ZFPM2: variants seen among roughly 807,000 people sequenced by gnomAD.
The protein encoded by ZFPM2 is zinc finger protein, FOG family member 2, also known as zinc finger protein ZFPM2.
In ZFPM2, 20 loss-of-function variants were observed where a neutral mutation model predicts 98.6. The observed-to-expected ratio is 0.20, with a 90% CI of 0.14 to 0.29. ZFPM2 has a LOEUF of 0.29. Among genes scored for constraint, ZFPM2 ranks in the 10% least tolerant of loss-of-function variants. The pLI is 1.00. For synonymous variants in ZFPM2, 518 were observed against 502.7 expected, an observed-to-expected ratio of 1.03 and a Z score of -0.41; for missense variants, 1,310 against 1,388.6, an observed-to-expected ratio of 0.94 and a Z score of 0.90.
chr8:105,369,838 G>C (rs114679059), intron 1 of ZFPM2, among the ~76,000 whole-genome samples: 239 of 152,118 alleles, frequency 1.6e-3, no homozygotes, highest in African/African-American at 5.4e-3. Context: ...CAGTGAGAGT[G>C]ATTTCAAGAG....
intron 1 of ZFPM2, among the ~76,000 whole-genome samples, chr8:105,321,845 T>A (rs1460511812): frequency 6.6e-6 from 1 of 152,110 alleles, no homozygotes; most frequent in African/African-American, 2.4e-5. Context: ...AGCCCAGCAA[T>A]CTGCAGAAGC....
chr8:105,609,251 G>GGGAA (rs1816257725), intron 4 of ZFPM2, among the ~76,000 whole-genome samples: 1 of 151,988 alleles, frequency 6.6e-6, no homozygotes, highest in Non-Finnish European at 1.5e-5. Context: ...GGAGCATGGA[G>GGGAA]GCAAGCCAGG....
At chr8:105,622,518 G>T (rs1816572748) in intron 4 of ZFPM2, among the ~76,000 whole-genome samples, 2 of 152,112 alleles carry the variant, frequency 1.3e-5, no homozygotes, top group Admixed American at 6.6e-5. Flanking sequence ...GCAACAACAA[G>T]ATTTAAGACA....
chr8:105,402,752 T>A (rs1170223146), intron 1 of ZFPM2, among the ~76,000 whole-genome samples: 3 of 152,088 alleles, frequency 2.0e-5, no homozygotes, highest in African/African-American at 7.2e-5. Flanking sequence ...AGCTAGTTTG[T>A]GGTCCCTACA....
chr8:105,653,755 G>A (rs1248002480), intron 5 of ZFPM2, among the ~76,000 whole-genome samples: 2 of 151,130 alleles, frequency 1.3e-5, no homozygotes, highest in Non-Finnish European at 2.9e-5. Flanking sequence ...CATGTTAGAG[G>A]CAAATAGAAA....
At chr8:105,541,515 A>G (rs899323915) in intron 3 of ZFPM2, among the ~76,000 whole-genome samples, 2 of 152,210 alleles carry the variant, frequency 1.3e-5, no homozygotes, top group Non-Finnish European at 2.9e-5. Context: ...AGAGTTTCAG[A>G]GGAATATACC....
chr8:105,735,113 T>TTA (rs887762544), intron 5 of ZFPM2, among the ~76,000 whole-genome samples: 157 of 147,572 alleles, frequency 1.1e-3, no homozygotes, highest in Non-Finnish European at 1.9e-3. Context: ...TATATATAAA[T>TTA]TATATATATA....
chr8:105,337,227 T>G (rs1812344902), intron 1 of ZFPM2, among the ~76,000 whole-genome samples: 2 of 151,758 alleles, frequency 1.3e-5, no homozygotes, highest in Non-Finnish European at 2.9e-5. Context: ...GACACCATGT[T>G]AGCAAGTCAG....
At chr8:105,343,173 AC>A (rs1812460695) in intron 1 of ZFPM2, among the ~76,000 whole-genome samples, 1 of 152,168 alleles carries the variant, frequency 6.6e-6, no homozygotes, top group Admixed American at 6.6e-5. Context: ...TTTATTAAGT[AC>A]AGGATGGGAA....
chr8:105,414,054 C>T (rs1811631579), intron 1 of ZFPM2, among the ~76,000 whole-genome samples: 2 of 151,904 alleles, frequency 1.3e-5, no homozygotes, highest in South Asian at 4.1e-4. Context: ...GAAACAATCT[C>T]ATTTTGCTAG....
chr8:105,392,597 A>T (rs1563637387), intron 1 of ZFPM2, among the ~76,000 whole-genome samples: 1 of 152,216 alleles, frequency 6.6e-6, no homozygotes, highest in Non-Finnish European at 1.5e-5. Context: ...GGCCGTACAA[A>T]AACAACTAAC....
chr8:105,489,697 C>G (rs1376865133), intron 3 of ZFPM2, among the ~76,000 whole-genome samples: 2 of 151,412 alleles, frequency 1.3e-5, no homozygotes, highest in African/African-American at 4.8e-5. Flanking sequence ...CTCCTGATCT[C>G]AGGTGAACCA....
At chr8:105,458,882 A>C (rs1164289596) in intron 3 of ZFPM2, among the ~76,000 whole-genome samples, 1 of 152,026 alleles carries the variant, frequency 6.6e-6, no homozygotes, top group Non-Finnish European at 1.5e-5. Context: ...AAGTTGAATA[A>C]GGGGGACATC....
chr8:105,759,111 G>A (rs1358212749), intron 5 of ZFPM2, among the ~76,000 whole-genome samples: 6 of 152,020 alleles, frequency 3.9e-5, no homozygotes, highest in Non-Finnish European at 8.8e-5. Context: ...TTTATTTGCA[G>A]GCTCTAAAAC....
At chr8:105,698,351 C>A (rs1454627728) in intron 5 of ZFPM2, among the ~76,000 whole-genome samples, 2 of 152,148 alleles carry the variant, frequency 1.3e-5, no homozygotes, top group Non-Finnish European at 2.9e-5. Context: ...ACACACTGGG[C>A]AAGTCACTGG....
At chr8:105,661,664 A>G (rs1166224506) in intron 5 of ZFPM2, among the ~76,000 whole-genome samples, 3 of 151,250 alleles carry the variant, frequency 2.0e-5, no homozygotes, top group Non-Finnish European at 2.9e-5. Flanking sequence ...TTCTCTTTTA[A>G]TCCCTGTGGG....
At chr8:105,573,427 C>A (rs1815398624) in intron 4 of ZFPM2, among the ~76,000 whole-genome samples, 1 of 152,122 alleles carries the variant, frequency 6.6e-6, no homozygotes, top group South Asian at 2.1e-4. Flanking sequence ...TAGGGAAGGA[C>A]TTTCAAATAC....
intron 7 of ZFPM2, among the ~76,000 whole-genome samples, chr8:105,800,360 G>GAAAT (rs1197289290): frequency 8.5e-5 from 13 of 152,174 alleles, no homozygotes; most frequent in African/African-American, 3.1e-4. Flanking sequence ...TCATGGACTA[G>GAAAT]AAATAGGCAG....
At chr8:105,390,798 G>A (rs1811091924) in intron 1 of ZFPM2, among the ~76,000 whole-genome samples, 1 of 152,154 alleles carries the variant, frequency 6.6e-6, no homozygotes, top group African/African-American at 2.4e-5. Context: ...ATTGTTGGTA[G>A]TATTAACATT....
Sources: allele counts gnomAD v4.1 joint callset (sites outside exome capture counted in the v4.1 genomes callset), GRCh38; gene constraint gnomAD v4.1.1; transcripts MANE v1.5; gene names NCBI Gene and HGNC (gene_info 2026-07-23, HGNC 2026-07-21).